TRDN: variants seen among roughly 807,000 people sequenced by gnomAD.
The protein encoded by TRDN is triadin in skeletal muscle.
A neutral mutation model predicts 149.7 loss-of-function variants in TRDN; 161 were observed. The observed-to-expected ratio is 1.08, with a 90% CI of 0.95 to 1.23. The LOEUF is 1.23. Ranked by LOEUF, TRDN falls within the 50% of genes most tolerant of loss-of-function variation. The pLI is 0.00. For synonymous variants in TRDN, 294 were observed against 250.5 expected (o/e 1.17, Z -1.64); for missense variants, 896 against 823.5 (o/e 1.09, Z -1.08).
At chr6:123,605,737 C>G (rs1346514728) in intron 1 of TRDN, among the ~76,000 whole-genome samples, 1 of 152,060 alleles carries the variant, frequency 6.6e-6, no homozygotes, top group African/African-American at 2.4e-5. Flanking sequence ...GTACTCTAGC[C>G]TGGGTAACAA....
intron 20 of TRDN, among the ~76,000 whole-genome samples, chr6:123,353,745 C>T (rs965531818): frequency 1.3e-5 from 2 of 151,596 alleles, no homozygotes; most frequent in African/African-American, 4.8e-5. Flanking sequence ...TGAATATGCA[C>T]TGGTTAGAAA....
intron 12 of TRDN, among the ~76,000 whole-genome samples, chr6:123,431,608 TC>T (rs1276922850): frequency 1.3e-5 from 2 of 152,144 alleles, no homozygotes; most frequent in African/African-American, 4.8e-5. Context: ...AAAGCTATAA[TC>T]TTCTCAATAT....
intron 2 of TRDN, among the ~76,000 whole-genome samples, chr6:123,552,637 A>G (rs1051088413): frequency 2.0e-5 from 3 of 152,242 alleles, no homozygotes; most frequent in Admixed American, 2.0e-4. Context: ...TAAAATGTTG[A>G]TATTTTCTTC....
chr6:123,364,257 A>T (rs549069530), intron 20 of TRDN, among the ~76,000 whole-genome samples: 45 of 152,312 alleles, frequency 3.0e-4, no homozygotes, highest in Non-Finnish European at 3.8e-4. Flanking sequence ...GAGTCTATGG[A>T]TCAGCTACCA....
chr6:123,474,748 A>C (rs1777372054), intron 9 of TRDN, among the ~76,000 whole-genome samples: 1 of 152,058 alleles, frequency 6.6e-6, no homozygotes, highest in Non-Finnish European at 1.5e-5. Flanking sequence ...GTACAATCAA[A>C]CTAGAACTCA....
Position 123,603,737 on chromosome 6 carries a change from G to A in TRDN, c.23-32605C>T, listed in dbSNP as rs527843224. 2.7e-3 allele frequency among the ~76,000 whole-genome samples: 411 copies of A among 152,154 alleles called. 1 individual carries two copies. Among genetic ancestry groups the A allele is most frequent in the African/African-American group, 9.0e-3 (375 of 41,532 alleles). On this transcript the variant is annotated intron_variant, in intron 1 of 40. Transcript: ENST00000334268. The stretch of plus-strand genomic sequence containing the variant: ...TTCCATAGATTCTGAACCCTTTGCT[G>A]ATAATGACAACTGGAAATTCCCTTG...
intron 24 of TRDN, among the ~76,000 whole-genome samples, chr6:123,300,992 T>C (rs555178089): frequency 6.6e-6 from 1 of 152,100 alleles, no homozygotes; most frequent in African/African-American, 2.4e-5. Flanking sequence ...ATACATTAAC[T>C]GGGCTCTTAT....
At chr6:123,631,510 CA>C (rs1187536924) in intron 1 of TRDN, among the ~76,000 whole-genome samples, 1 of 151,958 alleles carries the variant, frequency 6.6e-6, no homozygotes, top group Non-Finnish European at 1.5e-5. Flanking sequence ...CTTTTACAAA[CA>C]TAAGTATATT....
At chr6:123,310,252 C>G (rs1189839142) in intron 24 of TRDN, among the ~76,000 whole-genome samples, 1 of 151,808 alleles carries the variant, frequency 6.6e-6, no homozygotes, top group Non-Finnish European at 1.5e-5. Context: ...TGAGAATGCT[C>G]CAAAGAAGCA....
chr6:123,433,162 A>ATATATATATATATATATAT lies in TRDN; in HGVS notation c.1051+4900_1051+4901insATATATATATATATATATA, dbSNP rs796874348. Among the ~76,000 whole-genome samples the ATATATATATATATATATAT allele has an allele frequency of 2.6e-4, 21 of 80,030 alleles. 1 individual carries two copies. The highest frequency in any genetic ancestry group is 7.9e-4 in the East Asian group (2 of 2,536). The allele number at this position is 80,030 out of a possible 152,430, so 52.5% of individuals were successfully genotyped here. A position where few individuals can be genotyped will look rare whatever the true frequency, so the allele number is the denominator to read the frequency against. On this transcript the variant is annotated intron_variant, in intron 12 of 40. Transcript: ENST00000334268. Reference sequence around the variant, plus strand: ...ATCATAAATATATATATATATATATAATATATATATATATATATATACATC... The same window carrying ATATATATATATATATATAT: ...ATCATAAATATATATATATATATATATATATATATATATATATATATATATATATATATATATATACATC...
intron 12 of TRDN, among the ~76,000 whole-genome samples, chr6:123,416,735 T>G (rs1773666857): frequency 6.6e-6 from 1 of 150,608 alleles, no homozygotes; most frequent in Non-Finnish European, 1.5e-5. Flanking sequence ...AGTCTTGCTC[T>G]GTTGCACTCA....
intron 24 of TRDN, among the ~76,000 whole-genome samples, chr6:123,295,956 C>T (rs1184946022): frequency 6.7e-6 from 1 of 150,362 alleles, no homozygotes; most frequent in Non-Finnish European, 1.5e-5. Context: ...TGGAGTAAGA[C>T]TGTGTCTCAA....
chr6:123,242,242 T>G (rs974421572), intron 38 of TRDN, among the ~76,000 whole-genome samples: 1 of 152,198 alleles, frequency 6.6e-6, no homozygotes, highest in African/African-American at 2.4e-5. Flanking sequence ...TATTTTAGGA[T>G]GTATTTTTGC....
chr6:123,557,829 C>T (rs923103016), intron 2 of TRDN, among the ~76,000 whole-genome samples: 2 of 150,640 alleles, frequency 1.3e-5, no homozygotes, highest in Admixed American at 6.6e-5. Flanking sequence ...CTCTCCATGT[C>T]TCTACCCTCT....
chr6:123,464,719 G>A (rs759936688), intron 10 of TRDN, 187 bp downstream of exon 10: 38 of 1,386,908 alleles, frequency 2.7e-5, no homozygotes, highest in Non-Finnish European at 3.5e-5. Flanking sequence ...AGAATCTTAA[G>A]GGGACATTTT....
At chr6:123,577,697 T>C (rs746861251) in intron 1 of TRDN, among the ~76,000 whole-genome samples, 8 of 152,178 alleles carry the variant, frequency 5.3e-5, no homozygotes, top group Non-Finnish European at 8.8e-5. Flanking sequence ...CTGTTTTTAG[T>C]TCTTTGAGGA....
intron 21 of TRDN, chr6:123,352,121 T>C: frequency 1.0e-6 from 1 of 984,084 alleles, no homozygotes; most frequent in Non-Finnish European, 1.2e-6. Context: ...AACTTTTACA[T>C]ATTTTTTTTC....
intron 33 of TRDN, among the ~76,000 whole-genome samples, chr6:123,262,139 C>A (rs916423049): frequency 1.3e-5 from 2 of 151,778 alleles, no homozygotes; most frequent in African/African-American, 4.8e-5. Flanking sequence ...TCCAGGAAAG[C>A]CCCGTGATTT....
intron 24 of TRDN, among the ~76,000 whole-genome samples, chr6:123,298,475 A>G (rs1305993938): frequency 6.6e-6 from 1 of 152,026 alleles, no homozygotes; most frequent in African/African-American, 2.4e-5. Flanking sequence ...TACTCTCAAC[A>G]TCTTATGTAA....
Sources: gnomAD v4.1 joint callset for allele counts (sites outside exome capture counted in the v4.1 genomes callset) on GRCh38, gnomAD v4.1.1 for gene constraint, MANE v1.5 for transcripts, NCBI Gene and HGNC (gene_info 2026-07-23, HGNC 2026-07-21) for gene names.